The following ACTR3C variants were observed in gnomAD, a reference collection of about 807,000 sequenced individuals.
ACTR3C encodes the protein actin-related protein 3C.
Under a neutral mutation model 26.3 loss-of-function variants are expected in ACTR3C, and 18 were observed. That is an observed-to-expected ratio of 0.68 (90% CI 0.47 to 1.01). The LOEUF is 1.01. Ranked by LOEUF, ACTR3C falls within the 50% of genes least tolerant of loss-of-function variation. The pLI is 0.00. For synonymous variants in ACTR3C, 55 were observed against 94.5 expected, an observed-to-expected ratio of 0.58 and a Z score of 2.42; for missense variants, 184 against 250.7, an observed-to-expected ratio of 0.73 and a Z score of 1.80.
chr7:149,881,615 C>G, the ACTR3C span: 1 of 152,926 alleles, frequency 6.5e-6, no homozygotes, highest in Non-Finnish European at 1.5e-5. Flanking sequence ...GAAGATGAGG[C>G]TGCAGGAGGC....
the ACTR3C span, among the ~76,000 whole-genome samples, chr7:150,194,940 A>G: frequency 0.045 from 6,787 of 152,026 alleles, 350 homozygotes; most frequent in East Asian, 0.16. Context: ...TTAAAAATAC[A>G]AAAATTAGCC....
chr7:150,245,786 G>A (rs1190332337), downstream of ACTR3C: 1 of 152,256 alleles, frequency 6.6e-6, no homozygotes, highest in African/African-American at 2.4e-5. Context: ...TCGCACAGGA[G>A]ATAGCAAGAG....
At chr7:150,138,280 C>T in the ACTR3C span, among the ~76,000 whole-genome samples, 3 of 151,996 alleles carry the variant, frequency 2.0e-5, no homozygotes, top group Admixed American at 6.6e-5. Context: ...GCACAAAAGA[C>T]GAGAACTTGA....
chr7:149,892,923 A>G, the ACTR3C span, among the ~76,000 whole-genome samples: 2 of 151,214 alleles, frequency 1.3e-5, no homozygotes, highest in Admixed American at 6.6e-5. Context: ...TTATTGGTTA[A>G]TATCTGTAGC....
the ACTR3C span, among the ~76,000 whole-genome samples, chr7:150,217,022 T>C: frequency 1.4e-5 from 2 of 147,288 alleles, no homozygotes; most frequent in Non-Finnish European, 3.0e-5. Context: ...CAAATATTTA[T>C]AAAGCACATG....
chr7:149,944,660 G>T, the ACTR3C span, among the ~76,000 whole-genome samples: 1 of 151,580 alleles, frequency 6.6e-6, no homozygotes, highest in East Asian at 1.9e-4. Context: ...TGCCTCCTGT[G>T]AAAAAATTAT....
the ACTR3C span, among the ~76,000 whole-genome samples, chr7:150,008,153 C>T: frequency 6.6e-6 from 1 of 152,244 alleles, no homozygotes; most frequent in Admixed American, 6.5e-5. Flanking sequence ...CCTCTCTTTA[C>T]ATCCCTTCAG....
At chr7:149,927,019 C>T in the ACTR3C span, among the ~76,000 whole-genome samples, 1 of 152,036 alleles carries the variant, frequency 6.6e-6, no homozygotes, top group Non-Finnish European at 1.5e-5. Flanking sequence ...GATGCTGGCA[C>T]CATGCTCTAA....
At chr7:150,037,673 C>T in the ACTR3C span, among the ~76,000 whole-genome samples, 3 of 109,926 alleles carry the variant, frequency 2.7e-5, no homozygotes, top group Non-Finnish European at 5.8e-5. Context: ...CACAGTCCTC[C>T]AGGTGGGTCC....
the ACTR3C span, among the ~76,000 whole-genome samples, chr7:149,994,319 C>T: frequency 2.0e-5 from 3 of 152,118 alleles, no homozygotes; most frequent in South Asian, 2.1e-4. Flanking sequence ...GGGGCTTGGC[C>T]GGGCACGGTG....
At chr7:150,104,731 T>C in the ACTR3C span, among the ~76,000 whole-genome samples, 63,412 of 151,926 alleles carry the variant, frequency 0.42, 14,656 homozygotes, top group East Asian at 0.69. Context: ...TTTTTGTCAA[T>C]GGTTCCTTAT....
At chr7:149,909,129 A>G in the ACTR3C span, among the ~76,000 whole-genome samples, 33 of 151,658 alleles carry the variant, frequency 2.2e-4, no homozygotes, top group Non-Finnish European at 4.3e-4. Flanking sequence ...AGACTCCTAC[A>G]GGAAATAAAG....
At chr7:150,088,535 T>A in the ACTR3C span, among the ~76,000 whole-genome samples, 1 of 152,222 alleles carries the variant, frequency 6.6e-6, no homozygotes, top group Non-Finnish European at 1.5e-5. Context: ...GTGTCTTCTT[T>A]GTGACCCCAG....
chr7:150,279,031 G>A (rs1278107892), intron 6 of ACTR3C, among the ~76,000 whole-genome samples: 3 of 152,150 alleles, frequency 2.0e-5, no homozygotes, highest in Admixed American at 6.5e-5. Context: ...TAGAGCCGGC[G>A]CAGTGGTTCA....
chr7:149,904,445 C>T, the ACTR3C span, among the ~76,000 whole-genome samples: 19 of 151,024 alleles, frequency 1.3e-4, no homozygotes, highest in South Asian at 3.2e-3. Context: ...GCAGGAGAAT[C>T]GCTTGAACCC....
chr7:150,204,358 G>T, the ACTR3C span, among the ~76,000 whole-genome samples: 2 of 147,000 alleles, frequency 1.4e-5, no homozygotes, highest in Admixed American at 1.3e-4. Context: ...CTACATGGGG[G>T]AATCCCAAGA....
chr7:150,007,513 T>G, the ACTR3C span, among the ~76,000 whole-genome samples: 1 of 152,244 alleles, frequency 6.6e-6, no homozygotes, highest in South Asian at 2.1e-4. Context: ...TGATAATGAT[T>G]AAAGTCTCGC....
At chr7:150,030,440 A>G in the ACTR3C span, among the ~76,000 whole-genome samples, 55 of 151,846 alleles carry the variant, frequency 3.6e-4, no homozygotes, top group African/African-American at 1.2e-3. Flanking sequence ...ACTATTCTAG[A>G]CTCTTCATGG....
chr7:150,053,842 A>T, the ACTR3C span, among the ~76,000 whole-genome samples: 1 of 152,236 alleles, frequency 6.6e-6, no homozygotes, highest in South Asian at 2.1e-4. Context: ...AAGGGGGTAT[A>T]GTGTATTTCT....
Sources: allele counts gnomAD v4.1 joint callset (sites outside exome capture counted in the v4.1 genomes callset), GRCh38; gene constraint gnomAD v4.1.1; transcripts MANE v1.5; gene names NCBI Gene and HGNC (gene_info 2026-07-23, HGNC 2026-07-21).